Variants in BICD1 observed in about 807,000 individuals in gnomAD.
BICD1 encodes BICD cargo adaptor 1.
A neutral mutation model predicts 92.5 loss-of-function variants in BICD1; 35 were observed. The ratio of observed to expected loss-of-function variants is 0.38; its 90% confidence interval spans 0.29 to 0.50. The LOEUF (loss-of-function observed/expected upper bound fraction) is 0.50. Among genes scored for constraint, BICD1 ranks in the 20% least tolerant of loss-of-function variants. BICD1 has a pLI of 0.93. For missense variants in BICD1, 950 were observed against 1,189.8 expected (o/e 0.80, Z 2.97); for synonymous variants, 429 against 465.1 (o/e 0.92, Z 1.00).
At chr12:32,259,681 A>G (rs1480460123) in intron 2 of BICD1, among the ~76,000 whole-genome samples, 2 of 152,230 alleles carry the variant, frequency 1.3e-5, no homozygotes, top group East Asian at 3.9e-4. Context: ...GAAGTGGCAC[A>G]CACTTCACTT....
chr12:32,142,490 T>C (rs879800654), intron 1 of BICD1, among the ~76,000 whole-genome samples: 3,963 of 90,458 alleles, frequency 0.044, 77 homozygotes, highest in Non-Finnish European at 0.062. Flanking sequence ...ATCTATCTAT[T>C]GGTCTATCTA....
At chr12:32,198,948 T>A (rs1388207205) in intron 1 of BICD1, among the ~76,000 whole-genome samples, 1 of 152,212 alleles carries the variant, frequency 6.6e-6, no homozygotes, top group Non-Finnish European at 1.5e-5. Flanking sequence ...TTACTGCTCA[T>A]TTCTACCTTT....
chr12:32,180,275 A>G (rs761943202), intron 1 of BICD1, among the ~76,000 whole-genome samples: 35 of 151,806 alleles, frequency 2.3e-4, no homozygotes, highest in Non-Finnish European at 3.8e-4. Context: ...TCCCCGCTAC[A>G]TATTTCCCAG....
rs1472475163 is a variant in BICD1 at position 32,279,016 on chromosome 12, G to A, written c.427-14978G>A. ...CAATGCAGTACTTTGCTGATATAGT[G>A]TGGAATAGATTTTGTGCTGCAGCAA... is the stretch of plus-strand genomic sequence containing the variant. On this transcript the variant is annotated intron_variant, in intron 2 of 9. Coordinates refer to ENST00000652176, the MANE Select transcript of BICD1 (RefSeq NM_001714.4). Among the ~76,000 whole-genome samples, 7 of 152,272 alleles carry A rather than the reference G, an allele frequency of 4.6e-5. No homozygotes were observed. The East Asian group carries it at 1.2e-3, about 25-fold the overall frequency.
chr12:32,180,496 G>T (rs1182241980), intron 1 of BICD1, among the ~76,000 whole-genome samples: 4 of 151,948 alleles, frequency 2.6e-5, no homozygotes, highest in Admixed American at 6.6e-5. Context: ...GATTTCCAAA[G>T]ATACCGTCCC....
At chr12:32,370,226 G>C (rs1388042289) in intron 9 of BICD1, among the ~76,000 whole-genome samples, 1 of 152,066 alleles carries the variant, frequency 6.6e-6, no homozygotes, top group Non-Finnish European at 1.5e-5. Flanking sequence ...AATTAGCTGG[G>C]CATGGTGATG....
chr12:32,282,840 G>A (rs1477440497), intron 2 of BICD1, among the ~76,000 whole-genome samples: 1 of 152,214 alleles, frequency 6.6e-6, no homozygotes, highest in African/African-American at 2.4e-5. Context: ...GGTGGCCACC[G>A]ATCCAATGAC....
At chr12:32,135,901 A>G (rs1942720610) in intron 1 of BICD1, among the ~76,000 whole-genome samples, 1 of 138,012 alleles carries the variant, frequency 7.2e-6, no homozygotes, top group Non-Finnish European at 1.7e-5. Flanking sequence ...GTGGAGAGGG[A>G]CAAAGGAGAG....
At chr12:32,151,058 C>T (rs1400975733) in intron 1 of BICD1, among the ~76,000 whole-genome samples, 1 of 152,068 alleles carries the variant, frequency 6.6e-6, no homozygotes, top group Non-Finnish European at 1.5e-5. Context: ...GGCATCAAAA[C>T]AGATGGTGGT....
chr12:32,192,938 T>C (rs1052650068), intron 1 of BICD1, among the ~76,000 whole-genome samples: 5 of 152,232 alleles, frequency 3.3e-5, no homozygotes, highest in African/African-American at 1.2e-4. Flanking sequence ...TTGTTTCTTA[T>C]GGATGAACAT....
intron 2 of BICD1, among the ~76,000 whole-genome samples, chr12:32,219,261 G>A (rs560818781): frequency 1.3e-5 from 2 of 152,248 alleles, no homozygotes; most frequent in East Asian, 3.9e-4. Context: ...TCCTGGCAAA[G>A]GTGTGTGTGC....
intron 1 of BICD1, among the ~76,000 whole-genome samples, chr12:32,133,268 A>G (rs1942621367): frequency 6.6e-6 from 1 of 152,006 alleles, no homozygotes; most frequent in Non-Finnish European, 1.5e-5. Context: ...CAGGTGGATC[A>G]CCTGAGGTCA....
At chr12:32,206,327 C>T (rs545799787) in intron 1 of BICD1, among the ~76,000 whole-genome samples, 4 of 152,272 alleles carry the variant, frequency 2.6e-5, no homozygotes, top group African/African-American at 4.8e-5. Flanking sequence ...TCTCCCAGGC[C>T]GGGAGCAGGG....
At chr12:32,372,921 A>G (rs755616228) in intron 9 of BICD1, among the ~76,000 whole-genome samples, 2 of 152,240 alleles carry the variant, frequency 1.3e-5, no homozygotes, top group African/African-American at 2.4e-5. Flanking sequence ...TACTTTTTAC[A>G]GGCTAATTCC....
intron 8 of BICD1, among the ~76,000 whole-genome samples, chr12:32,350,698 A>G (rs1018539488): frequency 1.3e-5 from 2 of 152,140 alleles, no homozygotes; most frequent in African/African-American, 4.8e-5. Context: ...CTCTTTAGTC[A>G]TCTATTGATT....
intron 2 of BICD1, among the ~76,000 whole-genome samples, chr12:32,265,277 T>C (rs1053912468): frequency 2.0e-5 from 3 of 152,108 alleles, no homozygotes; most frequent in African/African-American, 7.2e-5. Flanking sequence ...CTCTAATTGC[T>C]CACAATAAAA....
intron 1 of BICD1, among the ~76,000 whole-genome samples, chr12:32,215,743 A>C (rs563162597): frequency 9.9e-5 from 15 of 151,990 alleles, no homozygotes; most frequent in African/African-American, 3.6e-4. Flanking sequence ...AGGTCAGGGG[A>C]TCGAAACCAT....
At chr12:32,182,749 T>C (rs1050474197) in intron 1 of BICD1, among the ~76,000 whole-genome samples, 1 of 151,814 alleles carries the variant, frequency 6.6e-6, no homozygotes, top group Non-Finnish European at 1.5e-5. Context: ...GAAATTGCTT[T>C]GAGAAAATCA....
At chr12:32,158,556 A>G (rs1943512003) in intron 1 of BICD1, among the ~76,000 whole-genome samples, 1 of 152,240 alleles carries the variant, frequency 6.6e-6, no homozygotes, top group Non-Finnish European at 1.5e-5. Flanking sequence ...CTCAACAAAT[A>G]TTAGCTATTC....
Sources: allele counts gnomAD v4.1 joint callset (sites outside exome capture counted in the v4.1 genomes callset), GRCh38; gene constraint gnomAD v4.1.1; transcripts MANE v1.5; gene names NCBI Gene and HGNC (gene_info 2026-07-23, HGNC 2026-07-21).